Variants in OR5AS1 observed in about 807,000 individuals in gnomAD.
OR5AS1 encodes olfactory receptor family 5 subfamily AS member 1.
For missense variants in OR5AS1, 492 were observed against 378.2 expected, an observed-to-expected ratio of 1.30 and a Z score of -2.50; for synonymous variants, 196 against 141.7, an observed-to-expected ratio of 1.38 and a Z score of -2.72.
Position 56,034,079 on chromosome 11 carries a change from C to G in OR5AS1, c.*2686C>G, listed in dbSNP as rs753499774. On this transcript the variant is annotated 3_prime_UTR_variant, in exon 2 of 2. Transcript: ENST00000641320. ...GCATCAATATCAACAAAAAGGACGT[C>G]CACTCAGAAACTCCACCACCAACAT... is the stretch of plus-strand genomic sequence containing the variant. 1 of 152,052 alleles carries G rather than the reference C, an allele frequency of 6.6e-6. No homozygotes were observed. The highest frequency in any genetic ancestry group is 2.4e-5 in the African/African-American group (1 of 41,352). The allele number at this position is 152,052 out of a possible 1,614,324, so 9.4% of individuals were successfully genotyped here.
At position 56,034,525 on chromosome 11, in the gene OR5AS1, A is replaced by T. The variant is rs953475220; in HGVS notation, c.*3132A>T. 1 of 152,142 alleles carries T rather than the reference A, an allele frequency of 6.6e-6. No individual in the cohort carries two copies. The highest frequency in any genetic ancestry group is 2.1e-4 in the South Asian group (1 of 4,830). The allele number at this position is 152,142 out of a possible 1,614,324, so 9.4% of individuals were successfully genotyped here. A position where few individuals can be genotyped will look rare whatever the true frequency, so the allele number is the denominator to read the frequency against. The stretch of plus-strand genomic sequence containing the variant: ...GGAAGGATATCAGAGATTGAAGATC[A>T]ACTTAATGAAATAAAGCTTGAAGAC... On this transcript the variant is annotated 3_prime_UTR_variant, in exon 2 of 2. Coordinates refer to ENST00000641320, the MANE Select transcript of OR5AS1 (RefSeq NM_001001921.2).
rs1853395779 is a variant in OR5AS1 at position 56,035,545 on chromosome 11, G to T, written c.*4152G>T. On this transcript the variant is annotated 3_prime_UTR_variant, in exon 2 of 2. Coordinates refer to ENST00000641320, the MANE Select transcript of OR5AS1 (RefSeq NM_001001921.2). The stretch of plus-strand genomic sequence containing the variant: ...AAAAAGATCAAAAGAGATAAAGAAG[G>T]CAATACATAATGGTAAAAGGATCAA... 6.6e-6 allele frequency: 1 copy of T among 151,754 alleles called. No homozygotes were observed. 9.4% of individuals were successfully genotyped at this position (151,754 alleles called of 1,614,324 possible).
At position 56,035,901 on chromosome 11, in the gene OR5AS1, G is replaced by A. The variant is rs1335895019; in HGVS notation, c.*4508G>A. ...AATATTGCAAGTAAAATACTCCTCAGCAAATGCAAAACAATGGAAATCATA... is the reference window on the plus strand; with the variant it reads ...AATATTGCAAGTAAAATACTCCTCAACAAATGCAAAACAATGGAAATCATA... On this transcript the variant is annotated 3_prime_UTR_variant, in exon 2 of 2. Transcript: ENST00000641320. The A allele has an allele frequency of 2.0e-5, 3 of 152,000 alleles. No homozygotes were observed. Among genetic ancestry groups the A allele is most frequent in the African/African-American group, 4.8e-5 (2 of 41,336 alleles). The allele number at this position is 152,000 out of a possible 1,614,324, so 9.4% of individuals were successfully genotyped here. A position where few individuals can be genotyped will look rare whatever the true frequency, so the allele number is the denominator to read the frequency against.
chr11:56,030,195 A>G (rs61889973), intron 1 of OR5AS1, among the ~76,000 whole-genome samples, 196 bp from the exon 2 acceptor site: 9,153 of 152,154 alleles, frequency 0.06, 377 homozygotes, highest in Non-Finnish European at 0.084. Flanking sequence ...CATCTAAATA[A>G]CATTTTCTGC....
rs202010847 is a variant in OR5AS1 at position 56,031,375 on chromosome 11, A to T, written c.957A>T (p.Leu319Phe). The change falls in exon 2 of 2, where the codon TTA becomes TTT. Residue 319 changes from leucine (L) to phenylalanine (F), a missense_variant. Coordinates refer to ENST00000641320, the MANE Select transcript of OR5AS1 (RefSeq NM_001001921.2). The stretch of plus-strand genomic sequence containing the variant: ...CAAATGAATGGTATTTAAATCGTTT[A>T]AGAATAGTCAATATCTAACTTACCC... ...GYSNEWYLNRLRIVNI is the reference protein window; with the variant it reads ...GYSNEWYLNRFRIVNI 3.6e-4 allele frequency: 552 copies of T among 1,532,118 alleles called. 4 individuals are homozygous for T. Among genetic ancestry groups the T allele is most frequent in the Non-Finnish European group, 1.4e-4 (157 of 1,140,186 alleles). The allele number at this position is 1,532,118 out of a possible 1,614,324, so 94.9% of individuals were successfully genotyped here. A position where few individuals can be genotyped will look rare whatever the true frequency, so the allele number is the denominator to read the frequency against.
At chr11:56,027,972 G>T (rs1853313061) in intron 1 of OR5AS1, among the ~76,000 whole-genome samples, 1 of 151,990 alleles carries the variant, frequency 6.6e-6, no homozygotes, top group Non-Finnish European at 1.5e-5. Flanking sequence ...GCCATGAGAA[G>T]GAAGCTGACT....
At chr11:56,028,313 A>G (rs868834572) in intron 1 of OR5AS1, among the ~76,000 whole-genome samples, 11 of 152,022 alleles carry the variant, frequency 7.2e-5, no homozygotes, top group Admixed American at 6.6e-4. Flanking sequence ...AAATATAACA[A>G]ATAATTTAGG....
chr11:56,030,859 G>A lies in OR5AS1; in HGVS notation c.441G>A (p.Leu147=), dbSNP rs200485385. The change falls in exon 2 of 2, where the codon TTG becomes TTA. Residue 147 remains leucine, a synonymous_variant. Transcript: ENST00000641320. ...SRRVCVCFIV[L]AYFSGSTTSL... Reference sequence around the variant, plus strand: ...GAGTCTGTGTCTGCTTCATTGTGTTGGCATATTTCAGTGGAAGTACAACAT... The same window carrying A: ...GAGTCTGTGTCTGCTTCATTGTGTTAGCATATTTCAGTGGAAGTACAACAT... The A allele has an allele frequency of 4.6e-5, 74 of 1,613,874 alleles. No individual in the cohort carries two copies. The highest frequency in any genetic ancestry group is 1.6e-4 in the Middle Eastern group (1 of 6,084).
rs186379345 is a variant in OR5AS1, at chr11:56,031,684, A to G, written c.*291A>G. 5.8e-5 allele frequency: 13 copies of G among 223,452 alleles called. No individual in the cohort carries two copies. In the East Asian group the frequency reaches 1.3e-3, roughly 22 times the overall value. The allele number at this position is 223,452 out of a possible 1,614,324, so 13.8% of individuals were successfully genotyped here. On this transcript the variant is annotated 3_prime_UTR_variant, in exon 2 of 2. Transcript: ENST00000641320. Reference sequence around the variant, plus strand: ...TAAATATTGACTTTTCAGTCAATCAATCGGTATTAGAAGCTACTTGGCAGC... The same window carrying G: ...TAAATATTGACTTTTCAGTCAATCAGTCGGTATTAGAAGCTACTTGGCAGC...
At position 56,034,717 on chromosome 11, in the gene OR5AS1, AC is replaced by A. The variant is rs1168792341; in HGVS notation, c.*3326del. On this transcript the variant is annotated 3_prime_UTR_variant, in exon 2 of 2. Transcript: ENST00000641320. Reference sequence around the variant, plus strand: ...GATATCATCCAGGAGAAACTCCCCAACCTAACAAGACAGGCCAACATTCAAA... The same window carrying A: ...GATATCATCCAGGAGAAACTCCCCAACTAACAAGACAGGCCAACATTCAAA... 1 of 152,170 alleles carries A rather than the reference AC, an allele frequency of 6.6e-6. No individual in the cohort carries two copies. The highest frequency in any genetic ancestry group is 1.5e-5 in the Non-Finnish European group (1 of 68,054). The allele number at this position is 152,170 out of a possible 1,614,324, so 9.4% of individuals were successfully genotyped here.
At chr11:56,029,972 T>C (rs1431137435) in intron 1 of OR5AS1, among the ~76,000 whole-genome samples, 1 of 152,098 alleles carries the variant, frequency 6.6e-6, no homozygotes, top group East Asian at 1.9e-4. Context: ...AATATGGACA[T>C]TCTTTCATAT....
Position 56,031,426 on chromosome 11 carries a change from G to A in OR5AS1, c.*33G>A, listed in dbSNP as rs1007936968. The A allele has an allele frequency of 1.4e-6, 2 of 1,394,560 alleles. No individual in the cohort carries two copies. Among genetic ancestry groups the A allele is most frequent in the Non-Finnish European group, 1.9e-6 (2 of 1,038,160 alleles). The allele number at this position is 1,394,560 out of a possible 1,614,324, so 86.4% of individuals were successfully genotyped here. A position where few individuals can be genotyped will look rare whatever the true frequency, so the allele number is the denominator to read the frequency against. On this transcript the variant is annotated 3_prime_UTR_variant, in exon 2 of 2. Coordinates refer to ENST00000641320, the MANE Select transcript of OR5AS1 (RefSeq NM_001001921.2). Reference sequence around the variant, plus strand: ...TTCCAATCTCATAAACAGCAATTATGCCATGAACATCTTATGTGTTAACTA... The same window carrying A: ...TTCCAATCTCATAAACAGCAATTATACCATGAACATCTTATGTGTTAACTA...
At position 56,034,581 on chromosome 11, in the gene OR5AS1, G is replaced by A. The variant is rs1396730357; in HGVS notation, c.*3188G>A. ...TAGAGAAAAAAGAATGCAAAGAAATGAACAAAGCCCCCAGGGATTATGGGA... is the reference window on the plus strand; with the variant it reads ...TAGAGAAAAAAGAATGCAAAGAAATAAACAAAGCCCCCAGGGATTATGGGA... On this transcript the variant is annotated 3_prime_UTR_variant, in exon 2 of 2. Coordinates refer to ENST00000641320, the MANE Select transcript of OR5AS1 (RefSeq NM_001001921.2). 1 of 152,012 alleles carries A rather than the reference G, an allele frequency of 6.6e-6. No homozygotes were observed. The highest frequency in any genetic ancestry group is 1.5e-5 in the Non-Finnish European group (1 of 68,020). 9.4% of individuals were successfully genotyped at this position (152,012 alleles called of 1,614,324 possible).
At position 56,030,592 on chromosome 11, in the gene OR5AS1, C is replaced by T; in HGVS notation, c.174C>T (p.Pro58=). 2 of 1,545,328 alleles carry T rather than the reference C, an allele frequency of 1.3e-6. No homozygotes were observed. The highest frequency in any genetic ancestry group is 1.7e-6 in the Non-Finnish European group (2 of 1,147,612). ...ATATTAATTCAAGCCTTCAAATTCCCATGTATTATTTTCTTAGCAACTTAT... is the reference window on the plus strand; with the variant it reads ...ATATTAATTCAAGCCTTCAAATTCCTATGTATTATTTTCTTAGCAACTTAT... ...LVNINSSLQI[P]MYYFLSNLSF... is the part of the protein sequence containing the mutation. Residue 58 remains proline (P), a synonymous_variant, in exon 2 of 2, where the codon CCC becomes CCT. Coordinates refer to ENST00000641320, the MANE Select transcript of OR5AS1 (RefSeq NM_001001921.2).
rs1235229517 is a variant in OR5AS1 at position 56,037,968 on chromosome 11, C to A, written c.*6575C>A. On this transcript the variant is annotated 3_prime_UTR_variant, in exon 2 of 2. Transcript: ENST00000641320. ...TAGAGGCCTCACAAATAACACCACA[C>A]ATCTACAACCATCTGATCTTTGACA... is the stretch of plus-strand genomic sequence containing the variant. 1.3e-5 allele frequency: 2 copies of A among 152,210 alleles called. No homozygotes were observed. The highest frequency in any genetic ancestry group is 4.8e-5 in the African/African-American group (2 of 41,504). 9.4% of individuals were successfully genotyped at this position (152,210 alleles called of 1,614,324 possible). A position where few individuals can be genotyped will look rare whatever the true frequency, so the allele number is the denominator to read the frequency against.
chr11:56,032,838 T>C lies in OR5AS1; in HGVS notation c.*1445T>C, dbSNP rs2134695806. The C allele has an allele frequency of 6.6e-6, 1 of 152,266 alleles. No homozygotes were observed. Among genetic ancestry groups the C allele is most frequent in the South Asian group, 2.1e-4 (1 of 4,830 alleles). The allele number at this position is 152,266 out of a possible 1,614,324, so 9.4% of individuals were successfully genotyped here. On this transcript the variant is annotated 3_prime_UTR_variant, in exon 2 of 2. Transcript: ENST00000641320. ...TAGTTATGTTTGGTGGCTGGCAAGA[T>C]GGTCAAATAGGAGATGCTCCAGTCT...
Position 56,032,428 on chromosome 11 carries a change from G to T in OR5AS1, c.*1035G>T, listed in dbSNP as rs1324686456. On this transcript the variant is annotated 3_prime_UTR_variant, in exon 2 of 2. Coordinates refer to ENST00000641320, the MANE Select transcript of OR5AS1 (RefSeq NM_001001921.2). ...TAATTAAATTATCAGATTTTTTGTG[G>T]TTTATTCTGATCTTTCAGTCTGAAG... is the stretch of plus-strand genomic sequence containing the variant. 2 of 151,828 alleles carry T rather than the reference G, an allele frequency of 1.3e-5. No homozygotes were observed. The highest frequency in any genetic ancestry group is 2.9e-5 in the Non-Finnish European group (2 of 67,956). The allele number at this position is 151,828 out of a possible 1,614,324, so 9.4% of individuals were successfully genotyped here. A position where few individuals can be genotyped will look rare whatever the true frequency, so the allele number is the denominator to read the frequency against.
chr11:56,031,410 C>T lies in OR5AS1; in HGVS notation c.*17C>T, dbSNP rs759430245. ...AATATCTAACTTACCCTTCCAATCT[C>T]ATAAACAGCAATTATGCCATGAACA... On this transcript the variant is annotated 3_prime_UTR_variant, in exon 2 of 2. Transcript: ENST00000641320. The T allele has an allele frequency of 6.9e-7, 1 of 1,449,160 alleles. No individual in the cohort carries two copies. The highest frequency in any genetic ancestry group is 2.2e-5 in the Admixed American group (1 of 45,200). The allele number at this position is 1,449,160 out of a possible 1,614,324, so 89.8% of individuals were successfully genotyped here.
Position 56,033,962 on chromosome 11 carries a change from C to T in OR5AS1, c.*2569C>T, listed in dbSNP as rs891904368. On this transcript the variant is annotated 3_prime_UTR_variant, in exon 2 of 2. Coordinates refer to ENST00000641320, the MANE Select transcript of OR5AS1 (RefSeq NM_001001921.2). ...GCAATCTTTACTGTTCTGCAGCCTT[C>T]GCAGGCAAACAGGGTCTGGAGTGGA... 5.3e-5 allele frequency: 8 copies of T among 152,226 alleles called. No homozygotes were observed. The highest frequency in any genetic ancestry group is 1.3e-4 in the Admixed American group (2 of 15,262). The allele number at this position is 152,226 out of a possible 1,614,324, so 9.4% of individuals were successfully genotyped here. A position where few individuals can be genotyped will look rare whatever the true frequency, so the allele number is the denominator to read the frequency against.
Sources: gnomAD v4.1 joint callset for allele counts (sites outside exome capture counted in the v4.1 genomes callset) on GRCh38, gnomAD v4.1.1 for gene constraint, MANE v1.5 for transcripts, NCBI Gene and HGNC (gene_info 2026-07-23, HGNC 2026-07-21) for gene names.